The following DHDDS variants were observed in gnomAD, a reference collection of about 807,000 sequenced individuals.
DHDDS encodes the protein dehydrodolichyl diphosphate synthase complex subunit DHDDS.
Under a neutral mutation model 46.2 loss-of-function variants are expected in DHDDS, and 16 were observed. The ratio of observed to expected loss-of-function variants is 0.35; its 90% CI spans 0.23 to 0.53. The LOEUF is 0.53. DHDDS is among the 20% of genes least tolerant of loss of function. DHDDS has a pLI of 0.94. For synonymous variants in DHDDS, 151 were observed against 163.1 expected (o/e 0.93, Z 0.56); for missense variants, 340 against 423.7 (o/e 0.80, Z 1.73).
chr1:26,467,231 C>T, intron 8 of DHDDS: 1 of 437,414 alleles, frequency 2.3e-6, no homozygotes, highest in South Asian at 1.6e-5. Flanking sequence ...CCTGTAAGCA[C>T]CTGGATTGCT....
Position 26,469,424 on chromosome 1 carries a change from G to GA in DHDDS, c.*294dup. 1.9e-6 allele frequency: 1 copy of GA among 520,292 alleles called. No individual in the cohort carries two copies. The highest frequency in any genetic ancestry group is 3.5e-6 in the Non-Finnish European group (1 of 285,992). 32.2% of individuals were successfully genotyped at this position (520,292 alleles called of 1,614,324 possible). Reference sequence around the variant, plus strand: ...CAACTCATCAGCTGCCTGTCTCTTAGATGCACTTTCTTTTTCCACCAGCAC... The same window carrying GA: ...CAACTCATCAGCTGCCTGTCTCTTAGAATGCACTTTCTTTTTCCACCAGCAC... On this transcript the variant is annotated 3_prime_UTR_variant, in exon 9 of 9. Transcript: ENST00000236342.
In DHDDS at chr1:26,451,452, ATTTTTGTT is replaced by A. The variant is rs1487611636; in HGVS notation, c.542+3804_542+3811del. Among the ~76,000 whole-genome samples, 573 of 78,900 alleles carry A rather than the reference ATTTTTGTT, an allele frequency of 7.3e-3. 3 individuals are homozygous for A. Among genetic ancestry groups the A allele is most frequent in the African/African-American group, 0.026 (547 of 21,140 alleles). The allele number at this position is 78,900 out of a possible 152,430, so 51.8% of individuals were successfully genotyped here. A position where few individuals can be genotyped will look rare whatever the true frequency, so the allele number is the denominator to read the frequency against. On this transcript the variant is annotated intron_variant, in intron 6 of 8. Transcript: ENST00000236342. ...TGTGTGTGTGTGTGTGTGTGTGTGT[ATTTTTGTT>A]TTTTTGTTTTTCTGAGATGGAGTCT...
At chr1:26,449,584 A>C (rs188350544) in intron 6 of DHDDS, among the ~76,000 whole-genome samples, 4 of 151,484 alleles carry the variant, frequency 2.6e-5, no homozygotes, top group African/African-American at 9.7e-5. Context: ...TTTTGGAGAC[A>C]GAGTCTCACT....
intron 2 of DHDDS, among the ~76,000 whole-genome samples, chr1:26,437,149 G>A (rs981485873): frequency 1.3e-5 from 2 of 151,848 alleles, no homozygotes; most frequent in African/African-American, 2.4e-5. Context: ...CAGCCTGGGC[G>A]ACAGAGCGAG....
At chr1:26,441,870 T>A (rs996695232) in intron 3 of DHDDS, among the ~76,000 whole-genome samples, 8 of 145,834 alleles carry the variant, frequency 5.5e-5, no homozygotes, top group Non-Finnish European at 8.9e-5. Context: ...CACTCCAGCC[T>A]GGGTGACAGA....
At chr1:26,454,239 C>T (rs540461591) in intron 6 of DHDDS, among the ~76,000 whole-genome samples, 1 of 152,282 alleles carries the variant, frequency 6.6e-6, no homozygotes, top group Admixed American at 6.5e-5. Flanking sequence ...AGGCGTGAGC[C>T]ACCGCGCCTG....
chr1:26,445,751 C>T (rs2075261667), intron 4 of DHDDS, among the ~76,000 whole-genome samples: 1 of 150,526 alleles, frequency 6.6e-6, no homozygotes, highest in Non-Finnish European at 1.5e-5. Context: ...GGGCTGAGCG[C>T]AGTGGCTCAT....
intron 3 of DHDDS, among the ~76,000 whole-genome samples, chr1:26,442,420 C>CAT (rs1357988057): frequency 6.6e-6 from 1 of 152,178 alleles, no homozygotes; most frequent in Non-Finnish European, 1.5e-5. Context: ...ATTCCAGTCA[C>CAT]ATAAGTGCAT....
At chr1:26,468,811 G>GCCCCCCCCCCACCACC in intron 8 of DHDDS, 84 bp from the exon 9 acceptor site, 2 of 637,978 alleles carry the variant, frequency 3.1e-6, no homozygotes, top group East Asian at 4.0e-5. Context: ...CCCACCCTGT[G>GCCCCCCCCCCACCACC]CCCCACCCCC....
chr1:26,457,832 A>T lies in DHDDS; in HGVS notation c.584A>T (p.Asn195Ile), dbSNP rs778754350. The T allele has an allele frequency of 1.2e-6, 2 of 1,613,734 alleles. No homozygotes were observed. Among genetic ancestry groups the T allele is most frequent in the Non-Finnish European group, 1.7e-6 (2 of 1,179,998 alleles). The change falls in exon 7 of 9, where the codon AAC becomes ATC. Residue 195 changes from asparagine (N) to isoleucine (I), a missense_variant. By Grantham distance (149) the Asn-to-Ile change is moderately radical. Transcript: ENST00000236342. ...CTGCTTGATAAGTGCCTCTATACCA[A>T]CCGCTCTCCTCATCCTGACATCTTG... ...ESLLDKCLYT[N>I]RSPHPDILIR...
chr1:26,438,512 C>T (rs2075184538), intron 3 of DHDDS: 1 of 492,818 alleles, frequency 2.0e-6, no homozygotes, highest in Non-Finnish European at 3.8e-6. Flanking sequence ...TTGCTTGAGC[C>T]CAGGGGTTCA....
chr1:26,447,484 C>A, intron 5 of DHDDS, 75 bp from the exon 6 acceptor site: 1 of 1,194,538 alleles, frequency 8.4e-7, no homozygotes, highest in Non-Finnish European at 1.2e-6. Flanking sequence ...GCTGGAAGGG[C>A]TTCTCTGTAA....
chr1:26,462,269 C>T (rs941734466), intron 8 of DHDDS, among the ~76,000 whole-genome samples: 3 of 152,088 alleles, frequency 2.0e-5, no homozygotes, highest in African/African-American at 7.2e-5. Flanking sequence ...GATCCTCCTG[C>T]TTCGGCCTCC....
At chr1:26,452,529 G>T (rs2075331615) in intron 6 of DHDDS, among the ~76,000 whole-genome samples, 1 of 152,168 alleles carries the variant, frequency 6.6e-6, no homozygotes, top group African/African-American at 2.4e-5. Flanking sequence ...AGTGTTAATA[G>T]TAATTGCTAA....
chr1:26,455,997 A>C (rs532389526), intron 6 of DHDDS, among the ~76,000 whole-genome samples: 3 of 152,310 alleles, frequency 2.0e-5, no homozygotes, highest in Non-Finnish European at 4.4e-5. Context: ...CAGCCATGCA[A>C]ATACCCTCTT....
chr1:26,448,258 C>T (rs2075288818), intron 6 of DHDDS: 1 of 151,232 alleles, frequency 6.6e-6, no homozygotes, highest in African/African-American at 2.5e-5. Flanking sequence ...GTTGCAACCT[C>T]CACCTCCCAG....
intron 6 of DHDDS, among the ~76,000 whole-genome samples, chr1:26,457,128 G>A (rs550047648): frequency 2.0e-5 from 3 of 152,156 alleles, no homozygotes; most frequent in South Asian, 4.1e-4. Context: ...TCATCTTTGA[G>A]CCTCAGTTTC....
chr1:26,455,145 A>G (rs929512986), intron 6 of DHDDS: 40 of 775,364 alleles, frequency 5.2e-5, no homozygotes, highest in Middle Eastern at 7.1e-4. Flanking sequence ...CTTGATTTGC[A>G]TGATATCATG....
At chr1:26,441,014 T>C (rs1419091701) in intron 3 of DHDDS, among the ~76,000 whole-genome samples, 8 of 151,432 alleles carry the variant, frequency 5.3e-5, no homozygotes, top group Non-Finnish European at 1.0e-4. Context: ...AACCTCCGCC[T>C]CCCAGGTTCA....
Sources: allele counts gnomAD v4.1 joint callset (sites outside exome capture counted in the v4.1 genomes callset), GRCh38; gene constraint gnomAD v4.1.1; transcripts MANE v1.5; gene names NCBI Gene and HGNC (gene_info 2026-07-23, HGNC 2026-07-21).